ARHGEF4: variants seen among roughly 807,000 people sequenced by gnomAD.
ARHGEF4 encodes APC-stimulated guanine nucleotide exchange factor 1.
A neutral mutation model predicts 162.0 loss-of-function variants in ARHGEF4; 119 were observed. The ratio of observed to expected loss-of-function variants is 0.73; its 90% confidence interval spans 0.63 to 0.86. The LOEUF (loss-of-function observed/expected upper bound fraction) is 0.86, where lower values mean the gene tolerates loss of function less well. ARHGEF4 is among the 40% of genes least tolerant of loss of function. ARHGEF4 has a pLI of 0.00. For missense variants in ARHGEF4, 2,488 were observed against 2,456.0 expected (o/e 1.01, Z -0.28); for synonymous variants, 1,014 against 979.9 (o/e 1.03, Z -0.65).
At chr2:130,840,964 T>G (rs191361641) in intron 1 of ARHGEF4, among the ~76,000 whole-genome samples, 2 of 152,334 alleles carry the variant, frequency 1.3e-5, no homozygotes, top group East Asian at 3.9e-4. Context: ...CAAGAGGCAA[T>G]GTAGTTTATT....
At chr2:131,038,823 T>A in intron 5 of ARHGEF4, 30 bp from the exon 6 acceptor site, 1 of 1,580,084 alleles carries the variant, frequency 6.3e-7, no homozygotes, top group Non-Finnish European at 8.6e-7. Context: ...CCTCCCCCAC[T>A]GACCCGCCTG....
chr2:130,985,434 T>A (rs1457623164), intron 4 of ARHGEF4, among the ~76,000 whole-genome samples: 1 of 152,116 alleles, frequency 6.6e-6, no homozygotes. Flanking sequence ...AATCGGGTGC[T>A]GCAGCCGAGG....
intron 3 of ARHGEF4, among the ~76,000 whole-genome samples, chr2:130,945,975 G>C (rs774693483): frequency 2.0e-5 from 3 of 152,092 alleles, no homozygotes; most frequent in Non-Finnish European, 4.4e-5. Flanking sequence ...TCATAAGGTA[G>C]AAAAAAATCA....
chr2:131,035,029 G>A, intron 5 of ARHGEF4: 2 of 989,278 alleles, frequency 2.0e-6, no homozygotes, highest in South Asian at 9.1e-5. Context: ...GGGCGCTGCG[G>A]GCCACCGGCT....
chr2:130,936,139 C>T (rs1207669804), intron 3 of ARHGEF4, among the ~76,000 whole-genome samples: 1 of 152,000 alleles, frequency 6.6e-6, no homozygotes, highest in East Asian at 1.9e-4. Flanking sequence ...TCCATGTGTA[C>T]TGGAGAAGAA....
intron 4 of ARHGEF4, among the ~76,000 whole-genome samples, chr2:130,988,157 G>C (rs1404348607): frequency 6.6e-6 from 1 of 152,240 alleles, no homozygotes; most frequent in Non-Finnish European, 1.5e-5. Flanking sequence ...GGTCAGATGT[G>C]TCTGCTGTGG....
Position 130,916,447 on chromosome 2 carries a change from G to T in ARHGEF4, c.2501G>T (p.Arg834Met). Reference sequence around the variant, plus strand: ...TCTTCAGGCCCCGAGGGGCTCCCCAGGGAGAATCCGCCCGCTGCGGCCGGT... The same window carrying T: ...TCTTCAGGCCCCGAGGGGCTCCCCATGGAGAATCCGCCCGCTGCGGCCGGT... ...WGSSGPEGLP[R>M]ENPPAAAGRD... Residue 834 changes from arginine to methionine, a missense_variant, in exon 2 of 14, where the codon AGG (arginine) becomes ATG (methionine). Coordinates refer to ENST00000409359, the MANE Select transcript of ARHGEF4 (RefSeq NM_001367493.1). 1 of 1,541,298 alleles carries T rather than the reference G, an allele frequency of 6.5e-7. No homozygotes were observed. The highest frequency in any genetic ancestry group is 8.7e-7 in the Non-Finnish European group (1 of 1,145,700).
chr2:130,857,865 A>G (rs1681897099), intron 1 of ARHGEF4, among the ~76,000 whole-genome samples: 1 of 78 alleles, frequency 0.013, no homozygotes, highest in Non-Finnish European at 0.029. Context: ...CGATGGTGCA[A>G]TCTTGCTCAC....
chr2:130,915,946 C>T lies in ARHGEF4; in HGVS notation c.2000C>T (p.Pro667Leu), dbSNP rs1400671081. The change falls in exon 2 of 14, where the codon CCC becomes CTC. Residue 667 changes from proline to leucine, a missense_variant. By Grantham distance (98) the Pro-to-Leu change is moderately conservative (BLOSUM62 -3). This residue lies in a region of ARHGEF4 where 1,642 missense variants were observed against 1,481.5 expected (regional missense o/e 1.11). Transcript: ENST00000409359. ...RDFPKERPESPLSTGETPCES... is the reference protein window; with the variant it reads ...RDFPKERPESLLSTGETPCES... ...TTTCCTAAGGAAAGACCAGAATCTC[C>T]CTTGAGCACTGGCGAGACCCCCTGT... The T allele has an allele frequency of 6.4e-7, 1 of 1,550,600 alleles. No homozygotes were observed. Among genetic ancestry groups the T allele is most frequent in the East Asian group, 2.4e-5 (1 of 40,918 alleles).
chr2:131,017,719 A>C (rs563033297), intron 4 of ARHGEF4, among the ~76,000 whole-genome samples: 1 of 152,204 alleles, frequency 6.6e-6, no homozygotes, highest in Non-Finnish European at 1.5e-5. Context: ...GACATATACT[A>C]TGCTATTCAC....
chr2:130,974,534 A>G (rs982759683), intron 4 of ARHGEF4, among the ~76,000 whole-genome samples: 7 of 151,286 alleles, frequency 4.6e-5, no homozygotes, highest in African/African-American at 1.5e-4. Context: ...CAGCCTCCAC[A>G]CTTTCTAGGC....
At chr2:130,890,390 T>C (rs201582447) in intron 1 of ARHGEF4, among the ~76,000 whole-genome samples, 1 of 152,108 alleles carries the variant, frequency 6.6e-6, no homozygotes, top group Admixed American at 6.6e-5. Context: ...GGTGAAACCA[T>C]GTCTCTACTA....
chr2:130,964,877 T>A (rs1367689663), intron 4 of ARHGEF4, among the ~76,000 whole-genome samples: 1 of 152,162 alleles, frequency 6.6e-6, no homozygotes, highest in Admixed American at 6.5e-5. Context: ...AGGGCCTAAT[T>A]TGGGTTACTG....
At chr2:131,002,535 C>T (rs1687842486) in intron 4 of ARHGEF4, among the ~76,000 whole-genome samples, 1 of 151,862 alleles carries the variant, frequency 6.6e-6, no homozygotes, top group Non-Finnish European at 1.5e-5. Flanking sequence ...ACAGTGAAAC[C>T]CCATCTCTAC....
chr2:130,872,512 G>T (rs529812927), intron 1 of ARHGEF4, among the ~76,000 whole-genome samples: 1 of 152,002 alleles, frequency 6.6e-6, no homozygotes, highest in Non-Finnish European at 1.5e-5. Context: ...GCCCTCCTCC[G>T]CACCTCCTCG....
In ARHGEF4 at chr2:130,915,509, G is replaced by A. The variant is rs756434411; in HGVS notation, c.1563G>A (p.Arg521=). ...GCGAGGAAAGCAAGTCACCTACCAG[G>A]GCCAAGTTCCCACGGCAGCCTAGCA... ...VLSEESKSPT[R]AKFPRQPSSE... Residue 521 remains arginine (R), a synonymous_variant, in exon 2 of 14, where the codon AGG becomes AGA. Transcript: ENST00000409359. 118 of 1,550,484 alleles carry A rather than the reference G, an allele frequency of 7.6e-5. No individual in the cohort carries two copies. The South Asian group carries it at 1.3e-3, about 17-fold the overall frequency.
At chr2:130,889,312 G>A (rs1425610116) in intron 1 of ARHGEF4, among the ~76,000 whole-genome samples, 1 of 151,904 alleles carries the variant, frequency 6.6e-6, no homozygotes, top group East Asian at 1.9e-4. Flanking sequence ...TTTCTCATCT[G>A]TGTTTTCTTT....
At chr2:130,888,392 A>T (rs2104980815) in intron 1 of ARHGEF4, among the ~76,000 whole-genome samples, 1 of 151,962 alleles carries the variant, frequency 6.6e-6, no homozygotes, top group African/African-American at 2.4e-5. Flanking sequence ...AATCACCTGA[A>T]CACCGGAGTT....
intron 2 of ARHGEF4, among the ~76,000 whole-genome samples, chr2:130,926,106 G>A (rs1298272470): frequency 4.5e-5 from 6 of 133,492 alleles, no homozygotes; most frequent in Non-Finnish European, 7.8e-5. Context: ...TGTTCAGATT[G>A]TATAATTCTG....
Sources: gnomAD v4.1 joint callset for allele counts (sites outside exome capture counted in the v4.1 genomes callset) on GRCh38, gnomAD v4.1.1 for gene constraint, gnomAD v4.1.1 regional missense constraint, MANE v1.5 for transcripts, NCBI Gene and HGNC (gene_info 2026-07-23, HGNC 2026-07-21) for gene names.